Variants in NR2F1-AS1 observed in about 807,000 individuals in gnomAD.
The protein encoded by NR2F1-AS1 is NR2F1 antisense RNA 1.
At chr5:93,464,809 A>T (rs1750189404) in intron 4 of NR2F1-AS1, among the ~76,000 whole-genome samples, 1 of 152,238 alleles carries the variant, frequency 6.6e-6, no homozygotes, top group Non-Finnish European at 1.5e-5. Flanking sequence ...GCCAACATTT[A>T]CTTCCACTCA....
chr5:93,444,549 G>A (rs1749650545), intron 4 of NR2F1-AS1, among the ~76,000 whole-genome samples: 1 of 152,126 alleles, frequency 6.6e-6, no homozygotes, highest in Non-Finnish European at 1.5e-5. Context: ...GATTCATAAA[G>A]TAAGTCCTTA....
upstream of NR2F1-AS1, chr5:93,583,185 T>G (rs1753154064): frequency 6.6e-6 from 1 of 152,108 alleles, no homozygotes; most frequent in African/African-American, 2.4e-5. Flanking sequence ...AGTGTCAAAG[T>G]TCACTATATA....
At chr5:93,538,389 C>T (rs1751882070) in intron 4 of NR2F1-AS1, among the ~76,000 whole-genome samples, 1 of 152,112 alleles carries the variant, frequency 6.6e-6, no homozygotes. Flanking sequence ...ATGGGAGGAT[C>T]ACCTGAACCC....
intron 1 of NR2F1-AS1, among the ~76,000 whole-genome samples, chr5:93,564,407 T>A (rs1443405533): frequency 6.6e-6 from 1 of 152,190 alleles, no homozygotes; most frequent in Non-Finnish European, 1.5e-5. Flanking sequence ...GTGAATATTA[T>A]GACTCAAGCT....
At chr5:93,518,521 C>A (rs1751441478) in intron 4 of NR2F1-AS1, among the ~76,000 whole-genome samples, 1 of 152,040 alleles carries the variant, frequency 6.6e-6, no homozygotes, top group Non-Finnish European at 1.5e-5. Flanking sequence ...AAAGATCATA[C>A]AATTTCAGAA....
chr5:93,477,448 T>C (rs1236350410), intron 4 of NR2F1-AS1, among the ~76,000 whole-genome samples: 3 of 152,214 alleles, frequency 2.0e-5, no homozygotes, highest in Admixed American at 6.5e-5. Context: ...TTTTTCATGA[T>C]ATAGCTAATA....
intron 4 of NR2F1-AS1, among the ~76,000 whole-genome samples, chr5:93,454,569 T>C (rs180733913): frequency 1.4e-3 from 213 of 152,296 alleles, no homozygotes; most frequent in Middle Eastern, 0.01. Context: ...TAAGTGATAG[T>C]AGCATCTTTT....
chr5:93,502,691 T>C (rs1042605215), intron 4 of NR2F1-AS1, among the ~76,000 whole-genome samples: 1 of 152,114 alleles, frequency 6.6e-6, no homozygotes, highest in African/African-American at 2.4e-5. Context: ...TTTTTGCCAG[T>C]TCTCTGCCAA....
At chr5:93,456,605 TA>T (rs1485695730) in intron 4 of NR2F1-AS1, among the ~76,000 whole-genome samples, 1 of 152,156 alleles carries the variant, frequency 6.6e-6, no homozygotes, top group Non-Finnish European at 1.5e-5. Flanking sequence ...TTCTAAAATT[TA>T]AATGAAAATA....
At chr5:93,413,227 T>C (rs1043498585) in intron 4 of NR2F1-AS1, among the ~76,000 whole-genome samples, 3 of 149,884 alleles carry the variant, frequency 2.0e-5, no homozygotes, top group African/African-American at 7.4e-5. Flanking sequence ...TATATGTGTG[T>C]GTATATATAT....
intron 1 of NR2F1-AS1, among the ~76,000 whole-genome samples, chr5:93,573,446 T>A (rs933633680): frequency 6.6e-5 from 10 of 152,054 alleles, no homozygotes; most frequent in African/African-American, 2.2e-4. Context: ...CTCACTCCAG[T>A]CACTCCCGAG....
intron 4 of NR2F1-AS1, among the ~76,000 whole-genome samples, chr5:93,487,968 G>C (rs906721400): frequency 3.3e-5 from 5 of 152,050 alleles, no homozygotes; most frequent in African/African-American, 1.2e-4. Context: ...CTTTGACAAG[G>C]TTGACAAAAA....
At chr5:93,463,110 A>G (rs1200153724) in intron 4 of NR2F1-AS1, among the ~76,000 whole-genome samples, 3 of 152,172 alleles carry the variant, frequency 2.0e-5, no homozygotes, top group Non-Finnish European at 4.4e-5. Context: ...CCCACCCATC[A>G]CAGGCCCAGA....
chr5:93,570,612 C>A (rs1013574178), intron 1 of NR2F1-AS1: 2 of 152,194 alleles, frequency 1.3e-5, no homozygotes, highest in Non-Finnish European at 2.9e-5. Context: ...CACCCCCGGT[C>A]GGGCCTGGCT....
chr5:93,480,669 T>C (rs1360759924), intron 4 of NR2F1-AS1, among the ~76,000 whole-genome samples: 4 of 152,000 alleles, frequency 2.6e-5, no homozygotes, highest in African/African-American at 4.8e-5. Flanking sequence ...CACAAATGCA[T>C]AAAACAATAA....
chr5:93,428,433 T>G (rs1265263487), intron 4 of NR2F1-AS1, among the ~76,000 whole-genome samples: 1 of 152,224 alleles, frequency 6.6e-6, no homozygotes, highest in Non-Finnish European at 1.5e-5. Context: ...CTAATTACAG[T>G]GCCAAATCAA....
intron 4 of NR2F1-AS1, among the ~76,000 whole-genome samples, chr5:93,481,599 A>C (rs547225409): frequency 6.6e-6 from 1 of 152,246 alleles, no homozygotes; most frequent in African/African-American, 2.4e-5. Context: ...AAAATGGAAG[A>C]ATATGTATTC....
intron 4 of NR2F1-AS1, among the ~76,000 whole-genome samples, chr5:93,445,361 G>T (rs1749675301): frequency 1.3e-5 from 2 of 152,044 alleles, no homozygotes; most frequent in South Asian, 4.2e-4. Flanking sequence ...ATTATAAAGG[G>T]GGTATCACCA....
intron 4 of NR2F1-AS1, among the ~76,000 whole-genome samples, chr5:93,514,946 A>T (rs1751371553): frequency 6.6e-6 from 1 of 152,022 alleles, no homozygotes; most frequent in Admixed American, 6.6e-5. Flanking sequence ...TCCCTCTATA[A>T]GGTTAAATTT....
Sources: gnomAD v4.1 joint callset for allele counts (sites outside exome capture counted in the v4.1 genomes callset) on GRCh38, gnomAD v4.1.1 for gene constraint, MANE v1.5 for transcripts, NCBI Gene and HGNC (gene_info 2026-07-23, HGNC 2026-07-21) for gene names.